The following XPR1 variants were observed in gnomAD, a reference collection of about 807,000 sequenced individuals.
XPR1 encodes the protein solute carrier family 53 member 1.
XPR1 carries 28 observed loss-of-function variants against 87.5 expected under a neutral mutation model. The ratio of observed to expected loss-of-function variants is 0.32; its 90% CI spans 0.24 to 0.44. The LOEUF (loss-of-function observed/expected upper bound fraction) is 0.44. XPR1 is among the 20% of genes least tolerant of loss of function. The pLI is 1.00. For synonymous variants in XPR1, 300 were observed against 306.1 expected (o/e 0.98, Z 0.21); for missense variants, 559 against 862.3 (o/e 0.65, Z 4.41).
chr1:180,711,992 G>C (rs2101985482), intron 2 of XPR1, among the ~76,000 whole-genome samples: 1 of 152,308 alleles, frequency 6.6e-6, no homozygotes. Flanking sequence ...TTTGTATGCA[G>C]TAGTTGCCCC....
At chr1:180,832,070 G>C (rs4259606) in intron 9 of XPR1, among the ~76,000 whole-genome samples, 72,627 of 151,886 alleles carry the variant, frequency 0.48, 17,845 homozygotes, top group African/African-American at 0.5. Context: ...TGTTTCCTGA[G>C]TTTTTAATGA....
rs374408714 is a variant in XPR1, at chr1:180,853,791, G to GTTT, written c.1502-9900_1502-9898dup. 1.3e-3 allele frequency among the ~76,000 whole-genome samples: 139 copies of GTTT among 109,384 alleles called. 1 individual carries two copies. The highest frequency in any genetic ancestry group is 5.4e-3 in the Middle Eastern group (1 of 184). The allele number at this position is 109,384 out of a possible 152,430, so 71.8% of individuals were successfully genotyped here. A position where few individuals can be genotyped will look rare whatever the true frequency, so the allele number is the denominator to read the frequency against. ...GCACAAATAATAGTGCATTCATGTGGTTTTTTTTTTTTTTTTTTTGTATTT... is the reference window on the plus strand; with the variant it reads ...GCACAAATAATAGTGCATTCATGTGGTTTTTTTTTTTTTTTTTTTTTTGTATTT... On this transcript the variant is annotated intron_variant, in intron 11 of 14. Transcript: ENST00000367590.
At chr1:180,873,674 C>A in intron 12 of XPR1, 129 bp from the exon 13 acceptor site, 1 of 1,019,222 alleles carries the variant, frequency 9.8e-7, no homozygotes, top group South Asian at 2.0e-5. Flanking sequence ...TAAAGTACAA[C>A]TTTCCTCTTG....
intron 1 of XPR1, among the ~76,000 whole-genome samples, chr1:180,648,015 G>A (rs1655178686): frequency 6.6e-6 from 1 of 151,526 alleles, no homozygotes; most frequent in African/African-American, 2.4e-5. Flanking sequence ...AGATGTGGTT[G>A]TTTAGCATTT....
intron 2 of XPR1, among the ~76,000 whole-genome samples, chr1:180,723,415 A>G (rs1049843051): frequency 1.6e-4 from 24 of 152,290 alleles, no homozygotes; most frequent in African/African-American, 5.5e-4. Context: ...CATAAAAGGT[A>G]CCAAATCAAA....
chr1:180,768,687 T>G (rs1648383271), intron 2 of XPR1, among the ~76,000 whole-genome samples: 1 of 152,248 alleles, frequency 6.6e-6, no homozygotes, highest in Non-Finnish European at 1.5e-5. Flanking sequence ...AGTTTACTCC[T>G]TTGCATTTAG....
At chr1:180,770,776 G>A (rs1038925445) in intron 2 of XPR1, among the ~76,000 whole-genome samples, 1 of 151,964 alleles carries the variant, frequency 6.6e-6, no homozygotes, top group Non-Finnish European at 1.5e-5. Flanking sequence ...TTCATCTGGC[G>A]GTCCCTCTCT....
At chr1:180,672,044 G>A (rs1656199355) in intron 1 of XPR1, among the ~76,000 whole-genome samples, 1 of 152,152 alleles carries the variant, frequency 6.6e-6, no homozygotes, top group African/African-American at 2.4e-5. Flanking sequence ...TATCAGACAT[G>A]TGGCCAAGGA....
At chr1:180,861,262 G>C (rs1226060981) in intron 11 of XPR1, among the ~76,000 whole-genome samples, 1 of 151,142 alleles carries the variant, frequency 6.6e-6, no homozygotes, top group Non-Finnish European at 1.5e-5. Context: ...TTTAAGTGTT[G>C]TAAATATAAA....
intron 1 of XPR1, among the ~76,000 whole-genome samples, chr1:180,646,203 A>G (rs1571673504): frequency 6.6e-6 from 1 of 152,126 alleles, no homozygotes; most frequent in Admixed American, 6.5e-5. Context: ...AACACATGCC[A>G]CCTTTTGAAC....
intron 2 of XPR1, among the ~76,000 whole-genome samples, chr1:180,692,173 A>G (rs750568971): frequency 2.0e-4 from 31 of 152,048 alleles, no homozygotes; most frequent in Non-Finnish European, 3.1e-4. Flanking sequence ...TCTAAGTTCC[A>G]TTTTTCTGTT....
intron 1 of XPR1, among the ~76,000 whole-genome samples, chr1:180,675,930 C>A (rs1005579130): frequency 1.3e-5 from 2 of 152,162 alleles, no homozygotes; most frequent in African/African-American, 4.8e-5. Context: ...GAGATCATTA[C>A]TACCAAAAAT....
chr1:180,643,916 G>T (rs1655032057), intron 1 of XPR1, among the ~76,000 whole-genome samples: 1 of 152,134 alleles, frequency 6.6e-6, no homozygotes, highest in Admixed American at 6.6e-5. Flanking sequence ...TGGCTGCCAA[G>T]AAGCCTCTTA....
chr1:180,699,720 G>A (rs1657294829), intron 2 of XPR1, among the ~76,000 whole-genome samples: 1 of 111,426 alleles, frequency 9.0e-6, no homozygotes, highest in Admixed American at 9.5e-5. Context: ...AGTCCTTTGG[G>A]TATATACCCA....
chr1:180,768,226 T>C lies in XPR1; in HGVS notation c.122-19527T>C, dbSNP rs541595017. On this transcript the variant is annotated intron_variant, in intron 2 of 14. Transcript: ENST00000367590. The stretch of plus-strand genomic sequence containing the variant: ...AAAACTAAGATTTACTATAGAGTTT[T>C]TTTTTTTTAGTTTGAGTGCTGTGTC... Among the ~76,000 whole-genome samples, 12 of 152,242 alleles carry C rather than the reference T, an allele frequency of 7.9e-5. No individual in the cohort carries two copies. The East Asian group carries it at 2.3e-3, about 29-fold the overall frequency.
intron 11 of XPR1, among the ~76,000 whole-genome samples, chr1:180,855,127 C>T (rs1414980855): frequency 1.3e-5 from 2 of 151,968 alleles, no homozygotes; most frequent in African/African-American, 4.8e-5. Flanking sequence ...ATGGAAAAGA[C>T]AAATATATAT....
At chr1:180,756,902 G>A (rs1647769270) in intron 2 of XPR1, among the ~76,000 whole-genome samples, 2 of 152,094 alleles carry the variant, frequency 1.3e-5, no homozygotes, top group Admixed American at 6.5e-5. Context: ...ACCATTTGTT[G>A]AAAAGACTAG....
intron 9 of XPR1, among the ~76,000 whole-genome samples, chr1:180,826,427 A>C (rs530853474): frequency 6.6e-6 from 1 of 152,248 alleles, no homozygotes; most frequent in African/African-American, 2.4e-5. Context: ...GCACACCTGT[A>C]GTCCCAGATA....
At chr1:180,822,178 A>G (rs1040973708) in intron 7 of XPR1, among the ~76,000 whole-genome samples, 2 of 152,194 alleles carry the variant, frequency 1.3e-5, no homozygotes, top group African/African-American at 2.4e-5. Flanking sequence ...GTAAAAGCTT[A>G]AGTCTTGACA....
Sources: allele counts gnomAD v4.1 joint callset (sites outside exome capture counted in the v4.1 genomes callset), GRCh38; gene constraint gnomAD v4.1.1; transcripts MANE v1.5; gene names NCBI Gene and HGNC (gene_info 2026-07-23, HGNC 2026-07-21).